OSTC: variants seen among roughly 807,000 people sequenced by gnomAD.
OSTC encodes the protein oligosaccharyltransferase complex subunit OSTC.
Under a neutral mutation model 16.4 loss-of-function variants are expected in OSTC, and 16 were observed. The observed-to-expected ratio is 0.98, with a 90% CI of 0.66 to 1.49. The LOEUF is 1.49. OSTC is among the 40% of genes most tolerant of loss of function. The probability of loss-of-function intolerance (pLI) is 0.00; values close to 1 mark genes in which losing one functional copy is unlikely to be tolerated. For missense variants in OSTC, 139 were observed against 186.3 expected (o/e 0.75, Z 1.48); for synonymous variants, 67 against 68.5 (o/e 0.98, Z 0.11).
At chr4:108,658,971 C>CTTTTTTTTTTTTT (rs766585998) in intron 3 of OSTC, among the ~76,000 whole-genome samples, 1 of 83,896 alleles carries the variant, frequency 1.2e-5, no homozygotes, top group African/African-American at 5.3e-5. Context: ...GGCAGCAGCT[C>CTTTTTTTTTTTTT]TTTTTTTTTT....
intron 1 of OSTC, among the ~76,000 whole-genome samples, chr4:108,654,529 A>G (rs990638193): frequency 1.3e-4 from 20 of 152,164 alleles, no homozygotes; most frequent in Non-Finnish European, 2.1e-4. Context: ...AGCTGGAAAG[A>G]AGGAGGTGAG....
At chr4:108,666,862 A>C (rs937971764) in intron 3 of OSTC, among the ~76,000 whole-genome samples, 39 of 147,356 alleles carry the variant, frequency 2.6e-4, no homozygotes, top group Non-Finnish European at 4.8e-4. Flanking sequence ...AAAGTTAGCC[A>C]GGTGTGGTGG....
Position 108,650,654 on chromosome 4 carries a change from A to T in OSTC, c.-2A>T. The T allele has an allele frequency of 6.2e-7, 1 of 1,613,980 alleles. No individual in the cohort carries two copies. Among genetic ancestry groups the T allele is most frequent in the Non-Finnish European group, 8.5e-7 (1 of 1,179,926 alleles). ...CCGAGAACGGCCCTTGCTGCCACCA[A>T]CATGGAGACTTTGTACCGTGTCCCG... On this transcript the variant is annotated 5_prime_UTR_variant, in exon 1 of 4. Transcript: ENST00000361564.
At position 108,667,558 on chromosome 4, in the gene OSTC, T is replaced by G. The variant is rs771840852; in HGVS notation, c.*293T>G. 6 of 275,220 alleles carry G rather than the reference T, an allele frequency of 2.2e-5. No homozygotes were observed. The highest frequency in any genetic ancestry group is 3.4e-5 in the Non-Finnish European group (5 of 148,876). The allele number at this position is 275,220 out of a possible 1,614,324, so 17.0% of individuals were successfully genotyped here. On this transcript the variant is annotated 3_prime_UTR_variant, in exon 4 of 4. Coordinates refer to ENST00000361564, the MANE Select transcript of OSTC (RefSeq NM_021227.4). Reference sequence around the variant, plus strand: ...TTAAAATATATTCCATATCTACAACTATAATATCAAATAAAGTGATTATTT... The same window carrying G: ...TTAAAATATATTCCATATCTACAACGATAATATCAAATAAAGTGATTATTT...
At chr4:108,658,321 T>C (rs1420507828) in intron 3 of OSTC, among the ~76,000 whole-genome samples, 1 of 152,124 alleles carries the variant, frequency 6.6e-6, no homozygotes, top group Non-Finnish European at 1.5e-5. Context: ...GATCACTCAC[T>C]GTTGCTGCTC....
At chr4:108,654,550 G>C (rs533830585) in intron 1 of OSTC, among the ~76,000 whole-genome samples, 1 of 152,314 alleles carries the variant, frequency 6.6e-6, no homozygotes, top group Non-Finnish European at 1.5e-5. Flanking sequence ...GATGGATGCA[G>C]GTACCAGGTA....
intron 3 of OSTC, among the ~76,000 whole-genome samples, chr4:108,665,384 A>G (rs1288050072): frequency 6.6e-6 from 1 of 151,390 alleles, no homozygotes; most frequent in East Asian, 1.9e-4. Context: ...AGTAAGTGGT[A>G]GAAGCAGGGT....
rs750419541 is a variant in OSTC, at chr4:108,657,592, G to A, written c.376G>A (p.Val126Ile). 1.7e-5 allele frequency: 27 copies of A among 1,613,708 alleles called. No individual in the cohort carries two copies. The highest frequency in any genetic ancestry group is 6.7e-5 in the African/African-American group (5 of 74,996). ...NRFLLLFIGF[V>I]CVLLSFFMAR... is the part of the protein sequence containing the mutation. ...ATTCCTTCTTCTGTTCATTGGATTC[G>A]TCTGTGTCCTATTGAGTTTTTTCAT... The change falls in exon 3 of 4, where the codon GTC becomes ATC. Residue 126 changes from valine (V) to isoleucine (I), a missense_variant. By Grantham distance (29) the Val-to-Ile change is conservative. Transcript: ENST00000361564.
At chr4:108,651,636 T>C (rs960136993) in intron 1 of OSTC, 1 of 152,210 alleles carries the variant, frequency 6.6e-6, no homozygotes, top group African/African-American at 2.4e-5. Context: ...ACTGTGCTAC[T>C]GTGTACATTT....
chr4:108,650,734 A>G lies in OSTC; in HGVS notation c.79A>G (p.Met27Val), dbSNP rs757987429. Reference sequence around the variant, plus strand: ...GCTGAAGAAGCCGCCCTGGTTGCACATGCCGTCGGCCATGACTGTGTATGC... The same window carrying G: ...GCTGAAGAAGCCGCCCTGGTTGCACGTGCCGTCGGCCATGACTGTGTATGC... Reference protein sequence around the residue: ...LKLKKPPWLHMPSAMTVYALV... With the variant: ...LKLKKPPWLHVPSAMTVYALV... The change falls in exon 1 of 4, where the codon ATG (methionine) becomes GTG (valine). Residue 27 changes from methionine (M) to valine (V), a missense_variant. Transcript: ENST00000361564. The G allele has an allele frequency of 1.2e-6, 2 of 1,614,188 alleles. No homozygotes were observed. The highest frequency in any genetic ancestry group is 4.5e-5 in the East Asian group (2 of 44,870).
At chr4:108,659,327 A>C (rs2110385065) in intron 3 of OSTC, among the ~76,000 whole-genome samples, 1 of 142,444 alleles carries the variant, frequency 7.0e-6, no homozygotes, top group East Asian at 2.2e-4. Context: ...CCATTGGCTA[A>C]GTTGTGTGAA....
intron 2 of OSTC, 33 bp from the exon 3 acceptor site, chr4:108,657,417 T>G: frequency 6.5e-7 from 1 of 1,546,090 alleles, no homozygotes; most frequent in Admixed American, 1.8e-5. Context: ...TTTCTATTTG[T>G]TATCTTTCTA....
chr4:108,655,878 T>C (rs1442314381), intron 2 of OSTC, among the ~76,000 whole-genome samples: 1 of 152,246 alleles, frequency 6.6e-6, no homozygotes, highest in East Asian at 1.9e-4. Flanking sequence ...ATCACCAATT[T>C]ACAGTAGGGT....
At chr4:108,658,642 C>T (rs73838466) in intron 3 of OSTC, among the ~76,000 whole-genome samples, 17,769 of 152,048 alleles carry the variant, frequency 0.12, 1,176 homozygotes, top group Non-Finnish European at 0.15. Context: ...ACTACAGTAA[C>T]GACAGGAAAT....
chr4:108,654,774 C>A (rs1726657290), intron 1 of OSTC, among the ~76,000 whole-genome samples: 1 of 152,212 alleles, frequency 6.6e-6, no homozygotes, highest in Admixed American at 6.5e-5. Flanking sequence ...GACATTATGA[C>A]ATAATGGTGG....
chr4:108,661,126 G>A (rs1253374396), intron 3 of OSTC, among the ~76,000 whole-genome samples: 1 of 150,990 alleles, frequency 6.6e-6, no homozygotes, highest in Non-Finnish European at 1.5e-5. Flanking sequence ...GCTGAGGCAC[G>A]AGAATTGCAT....
In OSTC at chr4:108,650,616, G is replaced by T; in HGVS notation, c.-40G>T. ...GGGCGGGCCTGTTTCCGGGAGGCGC[G>T]TGGGGCTTGAGGCCGAGAACGGCCC... On this transcript the variant is annotated 5_prime_UTR_variant, in exon 1 of 4. Transcript: ENST00000361564. The T allele has an allele frequency of 6.2e-7, 1 of 1,608,430 alleles. No individual in the cohort carries two copies. Among genetic ancestry groups the T allele is most frequent in the Non-Finnish European group, 8.5e-7 (1 of 1,176,254 alleles).
chr4:108,663,248 G>C (rs1466758816), intron 3 of OSTC: 3 of 455,226 alleles, frequency 6.6e-6, no homozygotes, highest in African/African-American at 2.0e-5. Context: ...GTCTCGCTCT[G>C]TTGCCCAGGC....
chr4:108,666,836 T>G (rs1038701541), intron 3 of OSTC, among the ~76,000 whole-genome samples: 3 of 150,752 alleles, frequency 2.0e-5, no homozygotes, highest in African/African-American at 7.3e-5. Flanking sequence ...TGAAAACCTG[T>G]CTCTATAAAA....
Sources: allele counts gnomAD v4.1 joint callset (sites outside exome capture counted in the v4.1 genomes callset), GRCh38; gene constraint gnomAD v4.1.1; transcripts MANE v1.5; gene names NCBI Gene and HGNC (gene_info 2026-07-23, HGNC 2026-07-21).